PABPC4L: variants seen among roughly 807,000 people sequenced by gnomAD.
PABPC4L encodes polyadenylate-binding protein 4-like.
For missense variants in PABPC4L, 452 were observed against 451.4 expected (o/e 1.00, Z -0.01); for synonymous variants, 169 against 164.1 (o/e 1.03, Z -0.23).
At chr4:133,952,864 C>A in the PABPC4L span, among the ~76,000 whole-genome samples, 1 of 152,194 alleles carries the variant, frequency 6.6e-6, no homozygotes, top group Non-Finnish European at 1.5e-5. Flanking sequence ...TTGTTCTGAT[C>A]CCAGCCTAAT....
chr4:134,002,970 A>G, the PABPC4L span, among the ~76,000 whole-genome samples: 1 of 151,890 alleles, frequency 6.6e-6, no homozygotes, highest in Non-Finnish European at 1.5e-5. Context: ...AACTAGGAAA[A>G]AAGACTATAA....
the PABPC4L span, among the ~76,000 whole-genome samples, chr4:134,035,378 C>G: frequency 6.6e-6 from 1 of 151,890 alleles, no homozygotes; most frequent in Non-Finnish European, 1.5e-5. Flanking sequence ...AAAATAGACA[C>G]GAAGTAATCC....
the PABPC4L span, among the ~76,000 whole-genome samples, chr4:134,008,508 T>G: frequency 6.6e-6 from 1 of 151,720 alleles, no homozygotes; most frequent in Non-Finnish European, 1.5e-5. Flanking sequence ...AACAACAGCT[T>G]GTTTTCATCA....
chr4:134,195,015 A>T (rs1380320517), downstream of PABPC4L, among the ~76,000 whole-genome samples: 1 of 151,756 alleles, frequency 6.6e-6, no homozygotes, highest in Non-Finnish European at 1.5e-5. Flanking sequence ...ATTACCATAT[A>T]ACTGATGGCC....
rs34097818 is a variant in PABPC4L at position 134,198,534 on chromosome 4, T to A, written c.*1373A>T. ...AAATAGAGAATGTGAATAATAGTTA[T>A]GAGAAAAAACTAAGCCAAGTAAAAA... On this transcript the variant is annotated 3_prime_UTR_variant, in exon 2 of 2. Transcript: ENST00000421491. 2 of 151,298 alleles carry A rather than the reference T, an allele frequency of 1.3e-5. No homozygotes were observed. Among genetic ancestry groups the A allele is most frequent in the African/African-American group, 2.4e-5 (1 of 41,318 alleles). 9.4% of individuals were successfully genotyped at this position (151,298 alleles called of 1,614,324 possible). A position where few individuals can be genotyped will look rare whatever the true frequency, so the allele number is the denominator to read the frequency against.
chr4:133,984,717 T>G, the PABPC4L span, among the ~76,000 whole-genome samples: 1 of 151,930 alleles, frequency 6.6e-6, no homozygotes, highest in Non-Finnish European at 1.5e-5. Flanking sequence ...TTCTTTCATA[T>G]AGCTTTGGAA....
chr4:134,042,036 G>A, the PABPC4L span, among the ~76,000 whole-genome samples: 1 of 152,156 alleles, frequency 6.6e-6, no homozygotes, highest in Non-Finnish European at 1.5e-5. Context: ...CAAATGAGTG[G>A]ATAAAGAGAA....
At chr4:133,965,939 C>T in the PABPC4L span, among the ~76,000 whole-genome samples, 30 of 152,126 alleles carry the variant, frequency 2.0e-4, no homozygotes, top group Middle Eastern at 3.4e-3. Context: ...AACCCAAAAG[C>T]AAATGCAATA....
the PABPC4L span, among the ~76,000 whole-genome samples, chr4:134,055,255 G>C: frequency 6.6e-6 from 1 of 151,908 alleles, no homozygotes; most frequent in Non-Finnish European, 1.5e-5. Context: ...CAAGAATAAA[G>C]TGCACTATAT....
At chr4:134,033,020 CTT>C in the PABPC4L span, among the ~76,000 whole-genome samples, 23,676 of 138,746 alleles carry the variant, frequency 0.17, 2,016 homozygotes, top group Non-Finnish European at 0.2. Flanking sequence ...CACAAGTATC[CTT>C]TTTTTTTTTT....
chr4:134,099,206 T>A, the PABPC4L span, among the ~76,000 whole-genome samples: 1 of 151,732 alleles, frequency 6.6e-6, no homozygotes, highest in African/African-American at 2.4e-5. Context: ...TACTCTCCAA[T>A]GTTTTTGCTG....
At chr4:134,105,058 C>T in the PABPC4L span, among the ~76,000 whole-genome samples, 1 of 151,602 alleles carries the variant, frequency 6.6e-6, no homozygotes, top group African/African-American at 2.4e-5. Flanking sequence ...TAAAGTGCAA[C>T]AAAAATTGTT....
chr4:134,050,957 C>T, the PABPC4L span, among the ~76,000 whole-genome samples: 1 of 150,440 alleles, frequency 6.6e-6, no homozygotes, highest in Non-Finnish European at 1.5e-5. Context: ...TTGCTCTTCA[C>T]CTAATGTTAC....
At chr4:134,146,540 G>T in the PABPC4L span, among the ~76,000 whole-genome samples, 3 of 152,040 alleles carry the variant, frequency 2.0e-5, no homozygotes. Flanking sequence ...CAGCAAGCAG[G>T]AGTGTTACAG....
the PABPC4L span, among the ~76,000 whole-genome samples, chr4:133,952,095 C>T: frequency 3.9e-5 from 6 of 152,142 alleles, no homozygotes; most frequent in African/African-American, 7.2e-5. Context: ...GCTGATACCA[C>T]GGCCCTTCTT....
the PABPC4L span, among the ~76,000 whole-genome samples, chr4:134,012,578 A>C: frequency 6.6e-6 from 1 of 152,152 alleles, no homozygotes; most frequent in Non-Finnish European, 1.5e-5. Context: ...TTTATTGCTC[A>C]CACAAAGCCT....
chr4:134,017,183 A>C, the PABPC4L span, among the ~76,000 whole-genome samples: 3 of 152,316 alleles, frequency 2.0e-5, no homozygotes, highest in South Asian at 6.2e-4. Context: ...CAGGAAAGAT[A>C]GAACAGACTA....
At chr4:134,086,622 G>T in the PABPC4L span, among the ~76,000 whole-genome samples, 2 of 151,702 alleles carry the variant, frequency 1.3e-5, no homozygotes, top group Non-Finnish European at 2.9e-5. Context: ...GATAGTTCCA[G>T]AATATTTTTG....
the PABPC4L span, among the ~76,000 whole-genome samples, chr4:133,950,915 G>A: frequency 6.6e-6 from 1 of 152,044 alleles, no homozygotes; most frequent in Non-Finnish European, 1.5e-5. Flanking sequence ...GCCCTACTCT[G>A]TCCAGATCTT....
Sources: allele counts gnomAD v4.1 joint callset (sites outside exome capture counted in the v4.1 genomes callset), GRCh38; gene constraint gnomAD v4.1.1; transcripts MANE v1.5; gene names NCBI Gene and HGNC (gene_info 2026-07-23, HGNC 2026-07-21).